CHD6: variants seen among roughly 807,000 people sequenced by gnomAD.
CHD6 encodes ATP-dependent chromatin remodeler CHD6.
CHD6 carries 50 observed loss-of-function variants against 276.9 expected under a neutral mutation model. That is an observed-to-expected ratio of 0.18 (90% CI 0.14 to 0.23). The LOEUF (loss-of-function observed/expected upper bound fraction) is 0.23, where lower values mean the gene tolerates loss of function less well. CHD6 is among the 10% of genes least tolerant of loss of function. The pLI, the probability that CHD6 is intolerant of heterozygous loss-of-function variation, is 1.00. For synonymous variants in CHD6, 1,173 were observed against 1,229.3 expected, an observed-to-expected ratio of 0.95 and a Z score of 0.96; for missense variants, 2,564 against 3,365.8, an observed-to-expected ratio of 0.76 and a Z score of 5.89.
chr20:41,483,544 T>G, intron 15 of CHD6, 25 bp from the exon 16 acceptor site: 13 of 1,524,302 alleles, frequency 8.5e-6, no homozygotes, highest in Non-Finnish European at 1.1e-5. Context: ...AACAAAACTA[T>G]TCCTCGGACA....
At chr20:41,487,202 A>G (rs2043436804) in intron 14 of CHD6, among the ~76,000 whole-genome samples, 1 of 152,194 alleles carries the variant, frequency 6.6e-6, no homozygotes, top group African/African-American at 2.4e-5. Context: ...GGACTTATCA[A>G]CTACTCCAGG....
Position 41,551,349 on chromosome 20 carries a change from A to G in CHD6, c.-12T>C. 1 of 1,391,036 alleles carries G rather than the reference A, an allele frequency of 7.2e-7. No individual in the cohort carries two copies. Among genetic ancestry groups the G allele is most frequent in the East Asian group, 2.4e-5 (1 of 42,526 alleles). The allele number at this position is 1,391,036 out of a possible 1,614,324, so 86.2% of individuals were successfully genotyped here. A position where few individuals can be genotyped will look rare whatever the true frequency, so the allele number is the denominator to read the frequency against. On this transcript the variant is annotated 5_prime_UTR_variant, in exon 2 of 37. Transcript: ENST00000373233. Reference sequence around the variant, plus strand: ...ATTTTCATTTTCATCTATTGAAGGAAGATATTTATTTCTGTAAAACATTTT... The same window carrying G: ...ATTTTCATTTTCATCTATTGAAGGAGGATATTTATTTCTGTAAAACATTTT...
chr20:41,463,566 C>T (rs2042851085), intron 17 of CHD6, among the ~76,000 whole-genome samples: 1 of 152,068 alleles, frequency 6.6e-6, no homozygotes, highest in Non-Finnish European at 1.5e-5. Context: ...AGTACTAAAC[C>T]TAGATCCAAT....
intron 2 of CHD6, among the ~76,000 whole-genome samples, chr20:41,538,761 G>A (rs1191314952): frequency 6.6e-6 from 1 of 152,152 alleles, no homozygotes; most frequent in Admixed American, 6.5e-5. Flanking sequence ...AACATGTAGT[G>A]AATTCTTATA....
chr20:41,475,022 T>C (rs549506670), intron 16 of CHD6, among the ~76,000 whole-genome samples: 35 of 152,292 alleles, frequency 2.3e-4, no homozygotes, highest in African/African-American at 5.3e-4. Flanking sequence ...GCGGTGGTGA[T>C]AGGATTGTCA....
intron 1 of CHD6, among the ~76,000 whole-genome samples, chr20:41,586,263 G>A (rs955695501): frequency 8.5e-5 from 13 of 152,172 alleles, no homozygotes; most frequent in African/African-American, 7.2e-5. Context: ...GCTGAACGCC[G>A]TCACAAGACC....
At chr20:41,549,310 G>C (rs975801442) in intron 2 of CHD6, among the ~76,000 whole-genome samples, 1 of 151,242 alleles carries the variant, frequency 6.6e-6, no homozygotes, top group African/African-American at 2.4e-5. Flanking sequence ...ATACTATGCA[G>C]CCATAAAAAA....
intron 26 of CHD6, among the ~76,000 whole-genome samples, chr20:41,438,442 T>C (rs1487929575): frequency 6.6e-6 from 1 of 151,634 alleles, no homozygotes; most frequent in Non-Finnish European, 1.5e-5. Context: ...ATACAAAAAT[T>C]AGCCAGGCGT....
At chr20:41,540,044 T>C (rs1382246801) in intron 2 of CHD6, among the ~76,000 whole-genome samples, 1 of 152,222 alleles carries the variant, frequency 6.6e-6, no homozygotes, top group Non-Finnish European at 1.5e-5. Context: ...CATCATCATG[T>C]CTGGGTGATA....
chr20:41,418,904 C>T (rs905363257), intron 31 of CHD6, among the ~76,000 whole-genome samples: 37 of 152,216 alleles, frequency 2.4e-4, no homozygotes, highest in Middle Eastern at 3.2e-3. Context: ...GCAAGGCTGA[C>T]GCTGCCATCA....
chr20:41,474,770 G>C (rs2043134985), intron 16 of CHD6, among the ~76,000 whole-genome samples: 2 of 152,056 alleles, frequency 1.3e-5, no homozygotes. Context: ...CTTCCTTGAA[G>C]AAAAGAAAAA....
At chr20:41,563,874 A>T (rs2045327707) in intron 1 of CHD6, 2 of 574,164 alleles carry the variant, frequency 3.5e-6, no homozygotes, top group Admixed American at 6.9e-5. Context: ...CTGAAAATTC[A>T]AGTCATAATC....
rs767166571 is a variant in CHD6, at chr20:41,421,053, T to G, written c.5582A>C (p.Gln1861Pro). 8.1e-6 allele frequency: 13 copies of G among 1,613,952 alleles called. No individual in the cohort carries two copies. In the South Asian group the frequency reaches 1.2e-4, roughly 15 times the overall value. ...TTCTTCCTCCTCATCACTGTGGTTC[T>G]GACTCAAAATCAATTTACTTTCTAA... is the stretch of plus-strand genomic sequence containing the variant. ...KSLESKLILS[Q>P]NHSDEEEEEE... The change falls in exon 31 of 37, where the codon CAG becomes CCG. Residue 1861 changes from glutamine to proline, a missense_variant. This residue lies in a region of CHD6 where 1,024 missense variants were observed against 1,047.9 expected (regional missense o/e 0.98). Coordinates refer to ENST00000373233, the MANE Select transcript of CHD6 (RefSeq NM_032221.5).
chr20:41,570,347 G>T (rs1413665211), intron 1 of CHD6, among the ~76,000 whole-genome samples: 1 of 152,176 alleles, frequency 6.6e-6, no homozygotes, highest in East Asian at 1.9e-4. Flanking sequence ...TCAAAGAGAG[G>T]AATATAAAAT....
intron 2 of CHD6, among the ~76,000 whole-genome samples, 165 bp downstream of exon 2, chr20:41,551,140 C>G (rs143791851): frequency 1.3e-3 from 196 of 152,262 alleles, no homozygotes; most frequent in African/African-American, 4.4e-3. Flanking sequence ...CAAGAAAAAT[C>G]CATATTATTA....
intron 1 of CHD6, among the ~76,000 whole-genome samples, chr20:41,553,082 TTA>T (rs1293234042): frequency 6.6e-6 from 1 of 152,174 alleles, no homozygotes; most frequent in Non-Finnish European, 1.5e-5. Context: ...TGTAGGTAAA[TTA>T]TGTTAGTACA....
intron 1 of CHD6, among the ~76,000 whole-genome samples, chr20:41,569,607 T>A (rs1307194461): frequency 2.0e-5 from 3 of 152,140 alleles, no homozygotes; most frequent in Non-Finnish European, 4.4e-5. Flanking sequence ...AGTAACCATT[T>A]TATAACATAA....
At chr20:41,445,410 G>A (rs187888388) in intron 25 of CHD6, among the ~76,000 whole-genome samples, 7 of 152,296 alleles carry the variant, frequency 4.6e-5, no homozygotes, top group African/African-American at 7.2e-5. Flanking sequence ...AGGCGAGGGA[G>A]GAAGATATAC....
intron 1 of CHD6, among the ~76,000 whole-genome samples, chr20:41,608,734 C>T (rs567006899): frequency 1.7e-3 from 255 of 152,244 alleles, no homozygotes; most frequent in African/African-American, 5.9e-3. Context: ...TCTGCAATCC[C>T]GACAAGATAG....
Sources: gnomAD v4.1 joint callset for allele counts (sites outside exome capture counted in the v4.1 genomes callset) on GRCh38, gnomAD v4.1.1 for gene constraint, gnomAD v4.1.1 regional missense constraint, MANE v1.5 for transcripts, NCBI Gene and HGNC (gene_info 2026-07-23, HGNC 2026-07-21) for gene names.